OR3A2: variants seen among roughly 807,000 people sequenced by gnomAD.
OR3A2 encodes olfactory receptor 3A2.
For missense variants in OR3A2, 318 were observed against 392.8 expected, an observed-to-expected ratio of 0.81 and a Z score of 1.61; for synonymous variants, 126 against 159.3, an observed-to-expected ratio of 0.79 and a Z score of 1.57.
chr17:3,340,366 T>A (rs1395289908), intron 2 of OR3A2, among the ~76,000 whole-genome samples: 1 of 152,192 alleles, frequency 6.6e-6, no homozygotes, highest in Non-Finnish European at 1.5e-5. Context: ...TGTTAGGGTG[T>A]CAATTTTAGA....
intron 2 of OR3A2, among the ~76,000 whole-genome samples, chr17:3,349,514 G>A (rs2150652762): frequency 6.6e-6 from 1 of 152,212 alleles, no homozygotes; most frequent in South Asian, 2.1e-4. Flanking sequence ...CAATACAGGA[G>A]CACCCAAATT....
chr17:3,373,986 C>T (rs2049656919), intron 2 of OR3A2, among the ~76,000 whole-genome samples: 1 of 152,110 alleles, frequency 6.6e-6, no homozygotes, highest in Non-Finnish European at 1.5e-5. Context: ...TCTTGTAGTG[C>T]TTGTTTGGTA....
intron 3 of OR3A2, among the ~76,000 whole-genome samples, chr17:3,325,329 C>T (rs1245422344): frequency 6.6e-6 from 1 of 151,304 alleles, no homozygotes; most frequent in Non-Finnish European, 1.5e-5. Flanking sequence ...CCTGCCTCAG[C>T]CTCCTGAGTA....
intron 1 of OR3A2, among the ~76,000 whole-genome samples, chr17:3,280,064 G>C (rs988165089): frequency 1.3e-5 from 2 of 152,132 alleles, no homozygotes; most frequent in African/African-American, 4.8e-5. Flanking sequence ...TTTTCTGTGT[G>C]TATTATCTGC....
chr17:3,307,944 C>T (rs1046758085), intron 3 of OR3A2, among the ~76,000 whole-genome samples: 1 of 152,330 alleles, frequency 6.6e-6, no homozygotes, highest in Admixed American at 6.5e-5. Context: ...AACCCAAAAT[C>T]TCAACACCGT....
chr17:3,375,139 CTTTTTTTTTTTTTTTTTTT>C (rs552615698), intron 2 of OR3A2, among the ~76,000 whole-genome samples: 2 of 28,702 alleles, frequency 7.0e-5, no homozygotes, highest in Admixed American at 6.5e-4. Context: ...AGCCTTCTTC[CTTTTTTTTTTTTTTTTTTT>C]TTTTTTTTTT....
At chr17:3,284,943 G>A (rs1483039089), upstream of OR3A2, among the ~76,000 whole-genome samples, 1 of 152,126 alleles carries the variant, frequency 6.6e-6, no homozygotes, top group Non-Finnish European at 1.5e-5. Flanking sequence ...AGAGGGAAAA[G>A]CTTTCTTCAA....
At chr17:3,354,739 C>A (rs230466) in intron 2 of OR3A2, among the ~76,000 whole-genome samples, 4 of 151,152 alleles carry the variant, frequency 2.6e-5, no homozygotes, top group Admixed American at 2.6e-4. Flanking sequence ...ATATTATTTT[C>A]TTCATTTCAA....
chr17:3,334,139 G>A (rs562104833), intron 3 of OR3A2, among the ~76,000 whole-genome samples: 115 of 152,248 alleles, frequency 7.6e-4, no homozygotes, highest in Non-Finnish European at 1.3e-3. Flanking sequence ...AAAAAGGAGC[G>A]CTTTTACATT....
intron 2 of OR3A2, among the ~76,000 whole-genome samples, chr17:3,353,912 C>CG (rs558898146): frequency 2.5e-5 from 3 of 120,888 alleles, no homozygotes; most frequent in Non-Finnish European, 5.3e-5. Context: ...CTTATTCATC[C>CG]ATTTTTTTTT....
chr17:3,342,528 G>GCCGGA (rs2049327699), intron 2 of OR3A2, among the ~76,000 whole-genome samples: 1 of 152,204 alleles, frequency 6.6e-6, no homozygotes, highest in Admixed American at 6.5e-5. Flanking sequence ...TCCCTCAGCT[G>GCCGGA]CAGGTCTGTT....
At chr17:3,336,840 T>C (rs375149220) in intron 2 of OR3A2, among the ~76,000 whole-genome samples, 35 of 152,288 alleles carry the variant, frequency 2.3e-4, no homozygotes, top group African/African-American at 8.2e-4. Flanking sequence ...ATGATCACCA[T>C]CAATTAATGT....
intron 2 of OR3A2, among the ~76,000 whole-genome samples, chr17:3,367,942 G>T: frequency 1.3e-5 from 2 of 152,212 alleles, no homozygotes; most frequent in South Asian, 4.2e-4. Context: ...TCTAGCAGGA[G>T]TAAGCTGGTA....
rs143828853 is a variant in OR3A2 at position 3,384,062 on chromosome 17, A to C, written c.-274-163T>G. The stretch of plus-strand genomic sequence containing the variant: ...AAATATTATATACAGATCACTGCAC[A>C]AGACAGTGAGATGTAGCTCCTTCCT... On this transcript the variant is annotated intron_variant, in intron 1 of 4. Coordinates refer to the OR3A2 transcript ENST00000573491. Among the ~76,000 whole-genome samples the C allele has an allele frequency of 2.9e-4, 44 of 152,114 alleles. No individual in the cohort carries two copies. The East Asian group carries it at 8.3e-3, about 29-fold the overall frequency.
chr17:3,330,540 C>CT (rs1002210525), intron 3 of OR3A2, among the ~76,000 whole-genome samples: 18 of 151,744 alleles, frequency 1.2e-4, no homozygotes, highest in South Asian at 4.2e-4. Flanking sequence ...CAACCCCTGC[C>CT]TTTTTTTTGT....
intron 2 of OR3A2, among the ~76,000 whole-genome samples, chr17:3,360,598 G>A (rs891009396): frequency 2.3e-4 from 35 of 151,822 alleles, no homozygotes; most frequent in Middle Eastern, 3.4e-3. Flanking sequence ...TTTCGTATAA[G>A]GTGTAAAGAA....
At chr17:3,363,012 G>A (rs2049531041) in intron 2 of OR3A2, among the ~76,000 whole-genome samples, 1 of 151,874 alleles carries the variant, frequency 6.6e-6, no homozygotes, top group Non-Finnish European at 1.5e-5. Context: ...AGCAGTGGGG[G>A]CCTGGACCTG....
intron 3 of OR3A2, among the ~76,000 whole-genome samples, chr17:3,295,714 A>G (rs941009618): frequency 1.3e-5 from 2 of 152,140 alleles, no homozygotes; most frequent in African/African-American, 4.8e-5. Flanking sequence ...CAAGTTAATT[A>G]GAAAGGGTGA....
At chr17:3,320,830 T>A (rs1361561925) in intron 3 of OR3A2, among the ~76,000 whole-genome samples, 2 of 152,082 alleles carry the variant, frequency 1.3e-5, no homozygotes, top group South Asian at 2.1e-4. Context: ...CCAGCTTTGT[T>A]CTTTTGGCTT....
Sources: gnomAD v4.1 joint callset for allele counts (sites outside exome capture counted in the v4.1 genomes callset) on GRCh38, gnomAD v4.1.1 for gene constraint, MANE v1.5 for transcripts, NCBI Gene and HGNC (gene_info 2026-07-23, HGNC 2026-07-21) for gene names.